C12orf42: variants seen among roughly 807,000 people sequenced by gnomAD.
C12orf42 encodes the protein chromosome 12 open reading frame 42, also known as uncharacterized protein C12orf42.
Under a neutral mutation model 21.6 loss-of-function variants are expected in C12orf42, and 25 were observed. That is an observed-to-expected ratio of 1.16 (90% CI 0.84 to 1.62). C12orf42 has a LOEUF of 1.62. Ranked by LOEUF, C12orf42 falls within the 40% of genes most tolerant of loss-of-function variation. C12orf42 has a pLI of 0.00. For synonymous variants in C12orf42, 174 were observed against 175.0 expected (o/e 0.99, Z 0.05); for missense variants, 483 against 459.3 (o/e 1.05, Z -0.47).
chr12:103,155,711 C>T, the C12orf42 span, among the ~76,000 whole-genome samples: 1 of 79,570 alleles, frequency 1.3e-5, no homozygotes. Flanking sequence ...TGTATATATA[C>T]ATATACAAGT....
chr12:103,312,113 A>T (rs2039030088), intron 4 of C12orf42, among the ~76,000 whole-genome samples: 1 of 152,174 alleles, frequency 6.6e-6, no homozygotes, highest in African/African-American at 2.4e-5. Context: ...GAGCCTCACA[A>T]AAACTCTCTG....
the C12orf42 span, among the ~76,000 whole-genome samples, chr12:103,222,309 G>C: frequency 1.1e-4 from 16 of 151,508 alleles, no homozygotes; most frequent in Admixed American, 9.9e-4. Flanking sequence ...TGGCGGGCAG[G>C]AGTGGGGGGT....
chr12:103,059,905 C>T, the C12orf42 span, among the ~76,000 whole-genome samples: 2 of 152,172 alleles, frequency 1.3e-5, no homozygotes, highest in Admixed American at 6.5e-5. Context: ...GAAGCATGCC[C>T]TTTGAAAACC....
intron 1 of C12orf42, among the ~76,000 whole-genome samples, chr12:103,492,104 G>C (rs1180855349): frequency 6.6e-6 from 1 of 152,128 alleles, no homozygotes; most frequent in Non-Finnish European, 1.5e-5. Flanking sequence ...TTACAGGCGT[G>C]CGCAACTACG....
chr12:103,336,594 A>G (rs2041720988), intron 4 of C12orf42, among the ~76,000 whole-genome samples: 1 of 152,246 alleles, frequency 6.6e-6, no homozygotes, highest in Non-Finnish European at 1.5e-5. Flanking sequence ...TTGAGTGTCA[A>G]TAAATGAATA....
At chr12:103,182,280 T>C in the C12orf42 span, among the ~76,000 whole-genome samples, 40 of 152,328 alleles carry the variant, frequency 2.6e-4, no homozygotes, top group Non-Finnish European at 5.1e-4. Context: ...ATGGCATTTA[T>C]TGGTCTTTTA....
At chr12:103,529,843 A>G in the C12orf42 span, among the ~76,000 whole-genome samples, 1 of 151,514 alleles carries the variant, frequency 6.6e-6, no homozygotes, top group Non-Finnish European at 1.5e-5. Context: ...TGTTTCCCTC[A>G]CCCCCAAAGA....
the C12orf42 span, among the ~76,000 whole-genome samples, chr12:103,076,288 C>CA: frequency 6.7e-6 from 1 of 150,198 alleles, no homozygotes; most frequent in African/African-American, 2.5e-5. Flanking sequence ...ATTACCCAAG[C>CA]CTTTTTTTTT....
At chr12:103,220,270 T>C in the C12orf42 span, among the ~76,000 whole-genome samples, 1 of 151,922 alleles carries the variant, frequency 6.6e-6, no homozygotes, top group Non-Finnish European at 1.5e-5. Flanking sequence ...GGGGGTGGGA[T>C]AGCATTAGGA....
chr12:103,163,928 G>C, the C12orf42 span, among the ~76,000 whole-genome samples: 1 of 152,194 alleles, frequency 6.6e-6, no homozygotes, highest in African/African-American at 2.4e-5. Context: ...AAGGCTCAGA[G>C]AGGTCAATTT....
the C12orf42 span, among the ~76,000 whole-genome samples, chr12:103,193,372 GA>G: frequency 1.7e-3 from 252 of 146,294 alleles, 1 homozygote; most frequent in African/African-American, 5.7e-3. Flanking sequence ...TAAGTTAACA[GA>G]AAAAAAAATA....
the C12orf42 span, among the ~76,000 whole-genome samples, chr12:103,074,030 A>G: frequency 1.3e-5 from 2 of 152,186 alleles, no homozygotes. Context: ...CAACCTTCCA[A>G]TCAGAAGCTT....
chr12:103,268,643 C>T (rs1403808281), exon 7 of C12orf42: 1 of 151,892 alleles, frequency 6.6e-6, no homozygotes, highest in Non-Finnish European at 1.5e-5. Flanking sequence ...TTGATTTTTC[C>T]CCGATTCAAA....
At chr12:103,113,650 A>G in the C12orf42 span, among the ~76,000 whole-genome samples, 20 of 152,110 alleles carry the variant, frequency 1.3e-4, no homozygotes, top group African/African-American at 4.6e-4. Flanking sequence ...TAACCTCCTG[A>G]CCCCACCAAC....
intron 2 of C12orf42, among the ~76,000 whole-genome samples, chr12:103,420,402 A>T (rs570930472): frequency 6.6e-6 from 1 of 152,264 alleles, no homozygotes; most frequent in Non-Finnish European, 1.5e-5. Flanking sequence ...GATCTTTGCT[A>T]AGTGGTACAC....
intron 4 of C12orf42, among the ~76,000 whole-genome samples, chr12:103,308,382 C>T (rs1456776950): frequency 1.3e-5 from 2 of 152,108 alleles, no homozygotes; most frequent in African/African-American, 2.4e-5. Context: ...TGGGTAACTT[C>T]TATGTAATAT....
At chr12:103,529,801 T>G in the C12orf42 span, among the ~76,000 whole-genome samples, 1 of 152,206 alleles carries the variant, frequency 6.6e-6, no homozygotes, top group Admixed American at 6.5e-5. Flanking sequence ...ACCCCCAACT[T>G]GGGCTTTGAA....
chr12:103,100,179 T>A, the C12orf42 span, among the ~76,000 whole-genome samples: 503 of 152,356 alleles, frequency 3.3e-3, 2 homozygotes, highest in African/African-American at 0.01. Context: ...CTTGCCTGTG[T>A]ATCCATACAT....
chr12:103,344,486 G>A (rs1183046122), intron 4 of C12orf42, among the ~76,000 whole-genome samples: 1 of 152,130 alleles, frequency 6.6e-6, no homozygotes, highest in Non-Finnish European at 1.5e-5. Flanking sequence ...TCCAATTGGT[G>A]ACATAATGAC....
Sources: gnomAD v4.1 joint callset for allele counts (sites outside exome capture counted in the v4.1 genomes callset) on GRCh38, gnomAD v4.1.1 for gene constraint, MANE v1.5 for transcripts, NCBI Gene and HGNC (gene_info 2026-07-23, HGNC 2026-07-21) for gene names.